The following CLSTN2 variants were observed in gnomAD, a reference collection of about 807,000 sequenced individuals.
The protein encoded by CLSTN2 is calsyntenin-2.
CLSTN2 carries 48 observed loss-of-function variants against 101.2 expected under a neutral mutation model. The ratio of observed to expected loss-of-function variants is 0.47; its 90% CI spans 0.38 to 0.60. The LOEUF (loss-of-function observed/expected upper bound fraction) is 0.60, where lower values mean the gene tolerates loss of function less well. Among genes scored for constraint, CLSTN2 ranks in the 20% least tolerant of loss-of-function variants. The pLI is 0.00. For synonymous variants in CLSTN2, 481 were observed against 463.6 expected (o/e 1.04, Z -0.48); for missense variants, 1,160 against 1,238.2 (o/e 0.94, Z 0.95).
chr3:140,302,885 G>A (rs1444351235), intron 2 of CLSTN2, among the ~76,000 whole-genome samples: 2 of 152,212 alleles, frequency 1.3e-5, no homozygotes, highest in East Asian at 3.9e-4. Flanking sequence ...TCCAAATGAT[G>A]ACTGACATTC....
At chr3:140,212,274 G>A (rs1053733220) in intron 2 of CLSTN2, among the ~76,000 whole-genome samples, 1 of 152,210 alleles carries the variant, frequency 6.6e-6, no homozygotes, top group African/African-American at 2.4e-5. Context: ...TCTGTCCAGT[G>A]TTAAAATGAG....
At chr3:140,020,656 G>A (rs1266254012) in intron 1 of CLSTN2, among the ~76,000 whole-genome samples, 4 of 152,134 alleles carry the variant, frequency 2.6e-5, no homozygotes, top group African/African-American at 9.7e-5. Flanking sequence ...TGGGCTCTCT[G>A]GTCTGACCAC....
At chr3:140,104,132 G>T (rs1024199642) in intron 1 of CLSTN2, among the ~76,000 whole-genome samples, 1 of 152,196 alleles carries the variant, frequency 6.6e-6, no homozygotes, top group East Asian at 1.9e-4. Context: ...TCACTATCAT[G>T]CAGTTAGTGA....
At chr3:140,297,561 G>T (rs545562226) in intron 2 of CLSTN2, among the ~76,000 whole-genome samples, 19 of 152,264 alleles carry the variant, frequency 1.2e-4, no homozygotes, top group African/African-American at 4.6e-4. Flanking sequence ...AGGCCAAGAG[G>T]TAAAATAGAG....
intron 1 of CLSTN2, among the ~76,000 whole-genome samples, chr3:139,981,005 G>C (rs192472908): frequency 6.6e-6 from 1 of 152,196 alleles, no homozygotes; most frequent in Admixed American, 6.6e-5. Flanking sequence ...TGTGTGCTAT[G>C]ATGTGGGGAG....
intron 1 of CLSTN2, among the ~76,000 whole-genome samples, chr3:140,028,988 G>T (rs1203844893): frequency 6.6e-6 from 1 of 152,158 alleles, no homozygotes; most frequent in Non-Finnish European, 1.5e-5. Context: ...AATGGTGAAG[G>T]TTTCATGTTC....
At chr3:140,004,054 C>A (rs2006906502) in intron 1 of CLSTN2, among the ~76,000 whole-genome samples, 1 of 152,144 alleles carries the variant, frequency 6.6e-6, no homozygotes, top group Non-Finnish European at 1.5e-5. Flanking sequence ...GAAGGCTCTC[C>A]ATTTCCTCTA....
chr3:140,339,325 C>G (rs554755131), intron 2 of CLSTN2, among the ~76,000 whole-genome samples: 1 of 152,292 alleles, frequency 6.6e-6, no homozygotes, highest in South Asian at 2.1e-4. Context: ...CTCTCTCTCT[C>G]TCTTCCCCAC....
chr3:140,286,117 C>T (rs143369040), intron 2 of CLSTN2, among the ~76,000 whole-genome samples: 2 of 152,234 alleles, frequency 1.3e-5, no homozygotes, highest in African/African-American at 2.4e-5. Flanking sequence ...ACTTTATCCC[C>T]AATTTCTGAG....
chr3:140,403,472 C>G (rs1199684728), intron 2 of CLSTN2, among the ~76,000 whole-genome samples, 157 bp from the exon 3 acceptor site: 2 of 152,138 alleles, frequency 1.3e-5, no homozygotes, highest in African/African-American at 4.8e-5. Context: ...TTAAGAAGCT[C>G]CCAGGCAATG....
chr3:140,453,105 G>A (rs552903071), intron 6 of CLSTN2: 4 of 152,322 alleles, frequency 2.6e-5, no homozygotes, highest in East Asian at 1.9e-4. Flanking sequence ...ACATCACTAC[G>A]TATTACAGAA....
intron 2 of CLSTN2, among the ~76,000 whole-genome samples, chr3:140,356,149 G>A (rs1484452658): frequency 2.6e-5 from 4 of 152,140 alleles, no homozygotes; most frequent in African/African-American, 9.7e-5. Context: ...AGCTCTTAGA[G>A]GGAAGAGACT....
rs1159220577 is a variant in CLSTN2 at position 140,287,617 on chromosome 3, G to GA, written c.232+111551dup. Among the ~76,000 whole-genome samples the GA allele has an allele frequency of 1.1e-4, 16 of 152,166 alleles. No homozygotes were observed. In the East Asian group the frequency reaches 2.3e-3, roughly 22 times the overall value. On this transcript the variant is annotated intron_variant, in intron 2 of 16. Transcript: ENST00000458420. ...AATACCATAAGAATAGGGAAGTTGA[G>GA]AAAAAAACATAGTTTTTTTTCCTAA... is the stretch of plus-strand genomic sequence containing the variant.
At chr3:140,262,149 T>A (rs377389148) in intron 2 of CLSTN2, among the ~76,000 whole-genome samples, 1 of 152,288 alleles carries the variant, frequency 6.6e-6, no homozygotes, top group Admixed American at 6.5e-5. Flanking sequence ...GTGTTTATAT[T>A]TACTGTGTTT....
intron 2 of CLSTN2, among the ~76,000 whole-genome samples, chr3:140,240,174 C>CTCTCTATATATATATA (rs1311225528): frequency 1.5e-4 from 2 of 13,356 alleles, no homozygotes; most frequent in African/African-American, 2.1e-4. Context: ...CTCTCTCTCT[C>CTCTCTATATATATATA]TATATATATA....
intron 1 of CLSTN2, among the ~76,000 whole-genome samples, chr3:139,937,966 T>C (rs1053292602): frequency 6.6e-6 from 1 of 152,100 alleles, no homozygotes; most frequent in African/African-American, 2.4e-5. Context: ...TATGACACTT[T>C]AGTTAGTATT....
At chr3:139,989,311 C>T (rs996091342) in intron 1 of CLSTN2, among the ~76,000 whole-genome samples, 2 of 152,210 alleles carry the variant, frequency 1.3e-5, no homozygotes, top group Non-Finnish European at 2.9e-5. Context: ...GTAGCCATCA[C>T]AGCTCTATAC....
intron 1 of CLSTN2, among the ~76,000 whole-genome samples, chr3:140,164,982 T>A (rs1209214146): frequency 6.6e-6 from 1 of 151,534 alleles, no homozygotes; most frequent in Non-Finnish European, 1.5e-5. Context: ...AGGAAAGAAG[T>A]GAGGAAGGAA....
intron 4 of CLSTN2, among the ~76,000 whole-genome samples, chr3:140,419,512 T>TATATAC (rs1478929717): frequency 4.6e-5 from 3 of 65,884 alleles, no homozygotes; most frequent in Admixed American, 1.3e-4. Context: ...TATATATATA[T>TATATAC]ACACACACAT....
Sources: allele counts gnomAD v4.1 joint callset (sites outside exome capture counted in the v4.1 genomes callset), GRCh38; gene constraint gnomAD v4.1.1; transcripts MANE v1.5; gene names NCBI Gene and HGNC (gene_info 2026-07-23, HGNC 2026-07-21).